PPFIA4: variants seen among roughly 807,000 people sequenced by gnomAD.
PPFIA4 encodes the protein PPFI scaffold protein A4, also known as liprin-alpha-4.
PPFIA4 carries 98 observed loss-of-function variants against 145.7 expected under a neutral mutation model. That is an observed-to-expected ratio of 0.67 (90% CI 0.57 to 0.80). The LOEUF is 0.80. Ranked by LOEUF, PPFIA4 falls within the 30% of genes least tolerant of loss-of-function variation. PPFIA4 has a pLI of 0.00. For missense variants in PPFIA4, 1,457 were observed against 1,632.7 expected, an observed-to-expected ratio of 0.89 and a Z score of 1.85; for synonymous variants, 628 against 649.6, an observed-to-expected ratio of 0.97 and a Z score of 0.51.
chr1:203,054,706 A>G (rs1025076541), intron 15 of PPFIA4, among the ~76,000 whole-genome samples: 1 of 152,032 alleles, frequency 6.6e-6, no homozygotes, highest in African/African-American at 2.4e-5. Flanking sequence ...ACACACATAC[A>G]CACACAGAGA....
Position 203,043,442 on chromosome 1 carries a change from C to T in PPFIA4, c.280C>T (p.Leu94Phe), listed in dbSNP as rs1389699851. 4 of 1,611,534 alleles carry T rather than the reference C, an allele frequency of 2.5e-6. No individual in the cohort carries two copies. The highest frequency in any genetic ancestry group is 3.3e-5 in the Admixed American group (2 of 59,838). Residue 94 changes from leucine (L) to phenylalanine (F), a missense_variant, in exon 3 of 30, where the codon CTT becomes TTT. By Grantham distance (22) the Leu-to-Phe change is conservative. Transcript: ENST00000295706. This position sits in a 1 kb window ranked among gnomAD's most constrained non-coding sequence, Gnocchi z 4.4. ...TRELSMCREQ[L>F]LEREEEISEL... is the part of the protein sequence containing the mutation. ...GGAGCTGAGCATGTGTCGGGAGCAG[C>T]TTCTAGAGCGGGAGGAAGAGATATC...
rs1464606906 is a variant in PPFIA4, at chr1:203,063,873, T to C, written c.2920T>C (p.Trp974Arg). ...DMNHEWIGNEWLPSLGLPQYR... is the reference protein window; with the variant it reads ...DMNHEWIGNERLPSLGLPQYR... Reference sequence around the variant, plus strand: ...GAACCATGAGTGGATTGGGAATGAATGGCTACCCAGCCTGGGGCTCCCGCA... The same window carrying C: ...GAACCATGAGTGGATTGGGAATGAACGGCTACCCAGCCTGGGGCTCCCGCA... The change falls in exon 25 of 30, where the codon TGG (tryptophan) becomes CGG (arginine). Residue 974 changes from tryptophan to arginine, a missense_variant. Coordinates refer to ENST00000295706, the MANE Select transcript of PPFIA4 (RefSeq NM_001304331.2). 1 of 1,613,954 alleles carries C rather than the reference T, an allele frequency of 6.2e-7. No homozygotes were observed. The highest frequency in any genetic ancestry group is 8.5e-7 in the Non-Finnish European group (1 of 1,179,924).
intron 25 of PPFIA4, among the ~76,000 whole-genome samples, chr1:203,064,389 G>A (rs925895961): frequency 1.3e-5 from 2 of 152,130 alleles, no homozygotes; most frequent in Non-Finnish European, 2.9e-5. Flanking sequence ...TTCAATTTAG[G>A]TGTCTCATTC....
intron 25 of PPFIA4, among the ~76,000 whole-genome samples, chr1:203,064,421 C>T (rs900887670): frequency 1.1e-4 from 16 of 152,312 alleles, no homozygotes; most frequent in Non-Finnish European, 2.4e-4. Flanking sequence ...GGAAGGTCTT[C>T]CTGGGCCATT....
intron 1 of PPFIA4, chr1:203,035,414 G>A (rs1269014130): frequency 1.9e-5 from 8 of 430,644 alleles, no homozygotes; most frequent in Non-Finnish European, 3.8e-5. Flanking sequence ...AAAGGTGGGG[G>A]TGACTTTTGG....
intron 25 of PPFIA4, 38 bp downstream of exon 25, chr1:203,064,041 G>A: frequency 6.3e-7 from 1 of 1,596,056 alleles, no homozygotes; most frequent in East Asian, 2.2e-5. Flanking sequence ...CTCCCTCGTG[G>A]GGGCCTCCCC....
In PPFIA4 at chr1:203,075,663, C is replaced by G. The variant is rs757107993; in HGVS notation, c.3480C>G (p.Ser1160Arg). 2 of 1,507,326 alleles carry G rather than the reference C, an allele frequency of 1.3e-6. No individual in the cohort carries two copies. The highest frequency in any genetic ancestry group is 1.3e-5 in the South Asian group (1 of 78,468). The allele number at this position is 1,507,326 out of a possible 1,614,324, so 93.4% of individuals were successfully genotyped here. ...REHHGRGGML[S>R]ASAETLPAGF... ...ACCACGGTCGCGGCGGCATGCTCAG[C>G]GCTTCCGCGGAGACCCTCCCGGCGG... is the stretch of plus-strand genomic sequence containing the variant. The change falls in exon 29 of 30, where the codon AGC becomes AGG. Residue 1160 changes from serine (S) to arginine (R), a missense_variant. By Grantham distance (110) the Ser-to-Arg change is moderately radical. This residue lies in a region of PPFIA4 where 146 missense variants were observed against 126.2 expected (regional missense o/e 1.16). Coordinates refer to ENST00000295706, the MANE Select transcript of PPFIA4 (RefSeq NM_001304331.2). The surrounding 1 kb of genome is among the most constrained non-coding windows in gnomAD (Gnocchi z 4.1).
At chr1:203,027,626 TA>T (rs1658502276) in intron 1 of PPFIA4, among the ~76,000 whole-genome samples, 1 of 152,220 alleles carries the variant, frequency 6.6e-6, no homozygotes, top group South Asian at 2.1e-4. Flanking sequence ...GGATTTCCCA[TA>T]GTCCTTTCCA....
intron 13 of PPFIA4, 71 bp downstream of exon 13, chr1:203,049,838 C>CCTCA: frequency 7.6e-7 from 1 of 1,312,346 alleles, no homozygotes; most frequent in Non-Finnish European, 1.0e-6. Context: ...AGACTTCCTT[C>CCTCA]CAACAAAAGA....
chr1:203,054,152 C>A, intron 15 of PPFIA4, 191 bp downstream of exon 15: 1 of 733,660 alleles, frequency 1.4e-6, no homozygotes, highest in South Asian at 1.5e-5. Context: ...CAGTGGACTT[C>A]TCAGGCTTCA....
intron 1 of PPFIA4, chr1:203,035,763 T>G (rs1659203689): frequency 9.4e-6 from 4 of 423,674 alleles, no homozygotes; most frequent in Non-Finnish European, 1.9e-5. Flanking sequence ...GTGCCCCACG[T>G]GGCTGTCCTG....
chr1:203,072,886 G>GC (rs1184206645), intron 28 of PPFIA4, among the ~76,000 whole-genome samples: 1 of 151,406 alleles, frequency 6.6e-6, no homozygotes, highest in East Asian at 1.9e-4. Flanking sequence ...TAAACTGGCA[G>GC]CCCCCCCTCC....
intron 28 of PPFIA4, 100 bp downstream of exon 28, chr1:203,071,860 C>T (rs1662194560): frequency 2.8e-6 from 3 of 1,057,752 alleles, no homozygotes; most frequent in Admixed American, 4.0e-5. Context: ...TGTTGGAAGG[C>T]TAGTCTATGG....
At chr1:203,040,312 T>G (rs1659610309) in intron 2 of PPFIA4, among the ~76,000 whole-genome samples, 1 of 152,036 alleles carries the variant, frequency 6.6e-6, no homozygotes, top group South Asian at 2.1e-4. Flanking sequence ...CCTGACCCAG[T>G]GGGGGCGCTG....
In PPFIA4 at chr1:203,059,871, G is replaced by A. The variant is rs752875825; in HGVS notation, c.2583+20G>A. 6 of 1,590,384 alleles carry A rather than the reference G, an allele frequency of 3.8e-6. No individual in the cohort carries two copies. Among genetic ancestry groups the A allele is most frequent in the Admixed American group, 3.5e-5 (2 of 57,954 alleles). On this transcript the variant is annotated intron_variant, in intron 21 of 29. Transcript: ENST00000295706. ...TTGGAGGTAAGCCTGAGCAAAGGGA[G>A]TCCACTCAGGGGTCTGGAGGGAAGG...
intron 19 of PPFIA4, among the ~76,000 whole-genome samples, chr1:203,058,852 G>T (rs975378281): frequency 6.6e-6 from 1 of 152,092 alleles, no homozygotes; most frequent in Admixed American, 6.5e-5. Flanking sequence ...GGGGCTCTGG[G>T]TTTCCTTTGC....
At chr1:203,065,396 C>G (rs1205078190) in intron 25 of PPFIA4, among the ~76,000 whole-genome samples, 1 of 152,238 alleles carries the variant, frequency 6.6e-6, no homozygotes, top group Non-Finnish European at 1.5e-5. Context: ...GCACCTGTCC[C>G]CTACTCAGTG....
intron 1 of PPFIA4, chr1:203,034,871 G>A: frequency 2.8e-6 from 1 of 354,422 alleles, no homozygotes; most frequent in Non-Finnish European, 5.6e-6. Flanking sequence ...TTTGGCATGA[G>A]ACAGACAAAT....
intron 21 of PPFIA4, 40 bp downstream of exon 21, chr1:203,059,891 G>T (rs202088928): frequency 1.8e-5 from 28 of 1,514,270 alleles, no homozygotes; most frequent in Non-Finnish European, 2.4e-5. Flanking sequence ...GGGTCTGGAG[G>T]GAAGGATGCT....
Sources: gnomAD v4.1 joint callset for allele counts (sites outside exome capture counted in the v4.1 genomes callset) on GRCh38, gnomAD v4.1.1 for gene constraint, gnomAD v4.1.1 regional missense constraint, Gnocchi (gnomAD v3.1) non-coding constraint, MANE v1.5 for transcripts, NCBI Gene and HGNC (gene_info 2026-07-23, HGNC 2026-07-21) for gene names.